STX6: variants seen among roughly 807,000 people sequenced by gnomAD.
The protein encoded by STX6 is syntaxin 6.
A neutral mutation model predicts 38.0 loss-of-function variants in STX6; 23 were observed. The observed-to-expected ratio is 0.60, with a 90% CI of 0.43 to 0.86. STX6 has a LOEUF of 0.86. STX6 is among the 40% of genes least tolerant of loss of function. STX6 has a pLI of 0.00. For synonymous variants in STX6, 123 were observed against 107.5 expected (o/e 1.14, Z -0.89); for missense variants, 274 against 312.9 (o/e 0.88, Z 0.94).
At chr1:181,021,879 G>A (rs2102338738) in intron 1 of STX6, among the ~76,000 whole-genome samples, 1 of 152,304 alleles carries the variant, frequency 6.6e-6, no homozygotes, top group South Asian at 2.1e-4. Flanking sequence ...ATGAAATCAA[G>A]GAGTTAACAA....
chr1:180,980,965 A>G (rs144232216), intron 7 of STX6, among the ~76,000 whole-genome samples: 2 of 152,346 alleles, frequency 1.3e-5, no homozygotes, highest in East Asian at 3.9e-4. Flanking sequence ...ACCATATGCA[A>G]GCTGGAAAAG....
chr1:181,009,015 AACAAT>A (rs1306699143), intron 1 of STX6, among the ~76,000 whole-genome samples: 20 of 152,274 alleles, frequency 1.3e-4, no homozygotes, highest in African/African-American at 4.3e-4. Flanking sequence ...CATTTTATTT[AACAAT>A]ACATCACAAA....
chr1:181,002,824 G>C (rs1246674956), intron 2 of STX6, 124 bp from the exon 3 acceptor site: 3 of 632,522 alleles, frequency 4.7e-6, no homozygotes, highest in African/African-American at 1.8e-5. Flanking sequence ...AACACAGTCA[G>C]CTGGACACCA....
chr1:180,979,100 A>G (rs1332709631), intron 7 of STX6, among the ~76,000 whole-genome samples: 1 of 152,246 alleles, frequency 6.6e-6, no homozygotes, highest in African/African-American at 2.4e-5. Context: ...AGGCAGAGAC[A>G]TGGAAATTCT....
chr1:181,004,464 C>T (rs1009995027), intron 2 of STX6, among the ~76,000 whole-genome samples: 1 of 152,186 alleles, frequency 6.6e-6, no homozygotes, highest in African/African-American at 2.4e-5. Context: ...AGCTGATCAC[C>T]AATGGCCAAC....
At position 180,976,276 on chromosome 1, in the gene STX6, G is replaced by A. The variant is rs1409048511; in HGVS notation, c.*294C>T. 1.1e-5 allele frequency: 4 copies of A among 380,404 alleles called. No individual in the cohort carries two copies. Among genetic ancestry groups the A allele is most frequent in the African/African-American group, 2.0e-5 (1 of 49,268 alleles). The allele number at this position is 380,404 out of a possible 1,614,324, so 23.6% of individuals were successfully genotyped here. On this transcript the variant is annotated 3_prime_UTR_variant, in exon 8 of 8. Transcript: ENST00000258301. ...GTCTGTAAGTCCCTCCTCAGCAAACGAGGTCCCGGAAGGCAAGGCAGCAGC... is the reference window on the plus strand; with the variant it reads ...GTCTGTAAGTCCCTCCTCAGCAAACAAGGTCCCGGAAGGCAAGGCAGCAGC...
At chr1:180,987,409 A>G (rs540416912) in intron 6 of STX6, among the ~76,000 whole-genome samples, 136 of 152,292 alleles carry the variant, frequency 8.9e-4, no homozygotes, top group African/African-American at 3.1e-3. Flanking sequence ...CTTACCCAAT[A>G]TCCGTTCTAC....
At chr1:180,978,194 G>A (rs1655306535) in intron 7 of STX6, among the ~76,000 whole-genome samples, 1 of 152,208 alleles carries the variant, frequency 6.6e-6, no homozygotes, top group Non-Finnish European at 1.5e-5. Context: ...TCATCACTCT[G>A]TCGTAACAAG....
chr1:180,995,096 G>A (rs921262536), intron 3 of STX6, among the ~76,000 whole-genome samples: 1 of 151,716 alleles, frequency 6.6e-6, no homozygotes, highest in African/African-American at 2.4e-5. Flanking sequence ...CTGAATAGCT[G>A]GGACTACAGG....
chr1:180,983,499 T>C (rs1057065887), intron 7 of STX6, among the ~76,000 whole-genome samples: 3 of 152,344 alleles, frequency 2.0e-5, no homozygotes, highest in Admixed American at 6.5e-5. Context: ...CTGGAACATA[T>C]CTTATACAGT....
intron 7 of STX6, among the ~76,000 whole-genome samples, chr1:180,981,676 C>A (rs1011958706): frequency 6.6e-6 from 1 of 152,172 alleles, no homozygotes; most frequent in Non-Finnish European, 1.5e-5. Context: ...CAAGCCAGCA[C>A]AACCCGAGGA....
At chr1:180,977,298 A>C (rs773288728) in intron 7 of STX6, among the ~76,000 whole-genome samples, 6 of 152,206 alleles carry the variant, frequency 3.9e-5, no homozygotes, top group Non-Finnish European at 8.8e-5. Flanking sequence ...CAGGCACAGG[A>C]AACAACTTGA....
intron 7 of STX6, among the ~76,000 whole-genome samples, chr1:180,978,326 G>A (rs1558085446): frequency 6.6e-6 from 1 of 152,188 alleles, no homozygotes; most frequent in African/African-American, 2.4e-5. Context: ...GAGAATCACA[G>A]CTTATCAGAG....
intron 1 of STX6, among the ~76,000 whole-genome samples, chr1:181,007,491 C>G (rs932283698): frequency 6.6e-6 from 1 of 152,000 alleles, no homozygotes; most frequent in African/African-American, 2.4e-5. Flanking sequence ...TAATGGAAGA[C>G]AGAGTTGAAG....
At chr1:180,996,063 T>C (rs1159255658) in intron 3 of STX6, among the ~76,000 whole-genome samples, 4 of 152,210 alleles carry the variant, frequency 2.6e-5, no homozygotes, top group Admixed American at 6.5e-5. Context: ...TCCCAAACAA[T>C]GGCTGGATGG....
chr1:181,011,362 T>C (rs746590148), intron 1 of STX6, among the ~76,000 whole-genome samples: 8 of 152,236 alleles, frequency 5.3e-5, no homozygotes, highest in Non-Finnish European at 1.2e-4. Flanking sequence ...ACCTCCCAAC[T>C]GTTCTTCCAA....
At position 180,980,405 on chromosome 1, in the gene STX6, A is replaced by C. The variant is rs185693112; in HGVS notation, c.692-3759T>G. ...ATATTAACTCCTAGTGGGAATTCAA[A>C]CTGGTACAGCCACTTTGGTAGACAG... On this transcript the variant is annotated intron_variant, in intron 7 of 7. Coordinates refer to ENST00000258301, the MANE Select transcript of STX6 (RefSeq NM_005819.6). Among the ~76,000 whole-genome samples the C allele has an allele frequency of 4.6e-4, 70 of 152,178 alleles. No individual in the cohort carries two copies. The East Asian group carries it at 0.011, about 23-fold the overall frequency.
intron 1 of STX6, among the ~76,000 whole-genome samples, chr1:181,018,410 A>AG (rs1243361848): frequency 5.9e-4 from 88 of 148,558 alleles, no homozygotes; most frequent in African/African-American, 2.1e-3. Context: ...AAAAAAAAAA[A>AG]AAAAGAAAAG....
At chr1:180,995,472 A>C (rs1346574837) in intron 3 of STX6, among the ~76,000 whole-genome samples, 2 of 152,192 alleles carry the variant, frequency 1.3e-5, no homozygotes. Context: ...TTAAGATGAC[A>C]TTCTGACAGT....
Sources: gnomAD v4.1 joint callset for allele counts (sites outside exome capture counted in the v4.1 genomes callset) on GRCh38, gnomAD v4.1.1 for gene constraint, MANE v1.5 for transcripts, NCBI Gene and HGNC (gene_info 2026-07-23, HGNC 2026-07-21) for gene names.